Variants in ASXL2 observed in about 807,000 individuals in gnomAD.
The protein encoded by ASXL2 is putative Polycomb group protein ASXL2.
A neutral mutation model predicts 122.0 loss-of-function variants in ASXL2; 23 were observed. That is an observed-to-expected ratio of 0.19 (90% CI 0.14 to 0.27). ASXL2 has a LOEUF of 0.27. Ranked by LOEUF, ASXL2 falls within the 10% of genes least tolerant of loss-of-function variation. The pLI, the probability that ASXL2 is intolerant of heterozygous loss-of-function variation, is 1.00. For missense variants in ASXL2, 1,518 were observed against 1,713.8 expected (o/e 0.89, Z 2.02); for synonymous variants, 650 against 637.0 (o/e 1.02, Z -0.31).
intron 3 of ASXL2, among the ~76,000 whole-genome samples, chr2:25,808,841 C>T (rs1394384320): frequency 6.6e-6 from 1 of 152,032 alleles, no homozygotes; most frequent in African/African-American, 2.4e-5. Context: ...AGGATGTACA[C>T]CTAACAGACC....
At chr2:25,775,804 TTCTG>T (rs1266076669) in intron 5 of ASXL2, among the ~76,000 whole-genome samples, 7 of 152,196 alleles carry the variant, frequency 4.6e-5, no homozygotes, top group African/African-American at 4.8e-5. Flanking sequence ...CTCCTCCTCT[TTCTG>T]TCTGAGAAAT....
intron 4 of ASXL2, among the ~76,000 whole-genome samples, chr2:25,802,859 G>A (rs1207644111): frequency 2.0e-5 from 3 of 152,142 alleles, no homozygotes; most frequent in Admixed American, 6.6e-5. Flanking sequence ...GGCTGGGTGC[G>A]GTGGCTCATG....
chr2:25,802,937 C>T (rs2089022344), intron 4 of ASXL2, among the ~76,000 whole-genome samples: 1 of 152,158 alleles, frequency 6.6e-6, no homozygotes, highest in Admixed American at 6.5e-5. Flanking sequence ...TCGAGACCAG[C>T]CTGGCCAACA....
intron 12 of ASXL2, among the ~76,000 whole-genome samples, chr2:25,749,487 A>G (rs2088001828): frequency 6.6e-6 from 1 of 152,234 alleles, no homozygotes; most frequent in South Asian, 2.1e-4. Context: ...TTCCTTATGC[A>G]AACATCAGTA....
intron 4 of ASXL2, among the ~76,000 whole-genome samples, chr2:25,804,932 C>T (rs1181389447): frequency 6.6e-6 from 1 of 152,164 alleles, no homozygotes; most frequent in Non-Finnish European, 1.5e-5. Context: ...CATCTGTAAT[C>T]CCAGCTTCTT....
At chr2:25,809,847 G>A in intron 3 of ASXL2, 1 of 464,378 alleles carries the variant, frequency 2.2e-6, no homozygotes, top group Non-Finnish European at 4.2e-6. Context: ...CAGTTATAAA[G>A]GTCAGCTTTG....
intron 2 of ASXL2, among the ~76,000 whole-genome samples, chr2:25,841,022 G>C (rs2089572515): frequency 6.6e-6 from 1 of 152,216 alleles, no homozygotes; most frequent in Admixed American, 6.5e-5. Context: ...TACCAGCCAG[G>C]CATGGTGGCT....
chr2:25,758,846 T>G (rs1440325202), intron 9 of ASXL2, among the ~76,000 whole-genome samples: 1 of 152,196 alleles, frequency 6.6e-6, no homozygotes, highest in African/African-American at 2.4e-5. Context: ...ATCTATTTAT[T>G]TATCTGGACC....
chr2:25,742,187 C>T lies in ASXL2; in HGVS notation c.4150G>A (p.Val1384Ile), dbSNP rs1004952488. ...CTGTTCTCTTCGGAGAACGCCTGAACAGGAATGGTCTGGCCATGGCTGCTG... is the reference window on the plus strand; with the variant it reads ...CTGTTCTCTTCGGAGAACGCCTGAATAGGAATGGTCTGGCCATGGCTGCTG... ...NPSSHGQTIP[V>I]QAFSEENSIE... Residue 1384 changes from valine to isoleucine, a missense_variant, in exon 13 of 13, where the codon GTT (valine) becomes ATT (isoleucine). Coordinates refer to ENST00000435504, the MANE Select transcript of ASXL2 (RefSeq NM_018263.6). 1.9e-6 allele frequency: 3 copies of T among 1,614,008 alleles called. No individual in the cohort carries two copies. Among genetic ancestry groups the T allele is most frequent in the South Asian group, 1.1e-5 (1 of 91,086 alleles).
chr2:25,875,723 CAT>C (rs990345221), intron 1 of ASXL2, among the ~76,000 whole-genome samples: 4 of 152,086 alleles, frequency 2.6e-5, no homozygotes, highest in African/African-American at 7.2e-5. Flanking sequence ...ATCAAAAACA[CAT>C]GAAATAAGAA....
chr2:25,848,835 C>A (rs1208497342), intron 1 of ASXL2, among the ~76,000 whole-genome samples: 1 of 150,894 alleles, frequency 6.6e-6, no homozygotes, highest in Non-Finnish European at 1.5e-5. Context: ...CACCAGAAGT[C>A]AAGAGTTCAA....
At chr2:25,766,844 T>A (rs1194768751) in intron 8 of ASXL2, among the ~76,000 whole-genome samples, 6 of 152,178 alleles carry the variant, frequency 3.9e-5, no homozygotes, top group Admixed American at 3.9e-4. Context: ...ATAAACCTCC[T>A]GTCTCCTGCT....
At chr2:25,770,282 CA>C (rs941739254) in intron 6 of ASXL2, among the ~76,000 whole-genome samples, 9 of 152,072 alleles carry the variant, frequency 5.9e-5, no homozygotes, top group African/African-American at 2.2e-4. Context: ...GATCTCGGCT[CA>C]CTGTAATCTC....
chr2:25,779,192 G>A (rs1179857757), intron 5 of ASXL2, among the ~76,000 whole-genome samples: 2 of 147,234 alleles, frequency 1.4e-5, no homozygotes, highest in Non-Finnish European at 3.0e-5. Context: ...ACTTGATTGG[G>A]TTCAATCAAT....
intron 8 of ASXL2, among the ~76,000 whole-genome samples, chr2:25,766,621 G>C (rs181551185): frequency 6.6e-6 from 1 of 152,124 alleles, no homozygotes; most frequent in African/African-American, 2.4e-5. Flanking sequence ...TCTCAAGCTC[G>C]AACACGATGG....
At chr2:25,797,538 C>G (rs1430827666) in intron 5 of ASXL2, among the ~76,000 whole-genome samples, 1 of 152,124 alleles carries the variant, frequency 6.6e-6, no homozygotes, top group African/African-American at 2.4e-5. Context: ...TAAAGCTCAA[C>G]AATAAGAAAA....
At chr2:25,865,748 C>T (rs2089895999) in intron 1 of ASXL2, among the ~76,000 whole-genome samples, 1 of 128,708 alleles carries the variant, frequency 7.8e-6, no homozygotes, top group African/African-American at 3.0e-5. Context: ...GGACTCCAGC[C>T]TGGGTGACAG....
At chr2:25,791,221 G>C (rs535633615) in intron 5 of ASXL2, among the ~76,000 whole-genome samples, 2 of 152,052 alleles carry the variant, frequency 1.3e-5, no homozygotes, top group South Asian at 4.2e-4. Flanking sequence ...GGGCGTGGAG[G>C]CCTACACCTG....
chr2:25,760,855 T>C (rs1012649138), intron 8 of ASXL2, among the ~76,000 whole-genome samples: 6 of 152,104 alleles, frequency 3.9e-5, no homozygotes, highest in African/African-American at 9.7e-5. Context: ...GAATACAGAA[T>C]TGCTATGTAC....
Sources: allele counts gnomAD v4.1 joint callset (sites outside exome capture counted in the v4.1 genomes callset), GRCh38; gene constraint gnomAD v4.1.1; transcripts MANE v1.5; gene names NCBI Gene and HGNC (gene_info 2026-07-23, HGNC 2026-07-21).